Variants in CHST8 observed in about 807,000 individuals in gnomAD.
CHST8 encodes the protein GALNAC-4-ST1.
A neutral mutation model predicts 15.0 loss-of-function variants in CHST8; 10 were observed. The observed-to-expected ratio is 0.67, with a 90% CI of 0.41 to 1.13. The LOEUF (loss-of-function observed/expected upper bound fraction) is 1.13, where lower values mean the gene tolerates loss of function less well. Ranked by LOEUF, CHST8 falls within the 50% of genes most tolerant of loss-of-function variation. The probability of loss-of-function intolerance (pLI) is 0.00; values close to 1 mark genes in which losing one functional copy is unlikely to be tolerated. For missense variants in CHST8, 634 were observed against 608.2 expected (o/e 1.04, Z -0.45); for synonymous variants, 259 against 256.6 (o/e 1.01, Z -0.09).
intron 1 of CHST8, among the ~76,000 whole-genome samples, chr19:33,646,270 C>T (rs1972355184): frequency 6.6e-6 from 1 of 152,092 alleles, no homozygotes; most frequent in Admixed American, 6.5e-5. Flanking sequence ...ATGGGGAATG[C>T]TGGCCGGCTG....
At position 33,772,291 on chromosome 19, in the gene CHST8, G is replaced by T; in HGVS notation, c.503G>T (p.Arg168Leu). ...ATGCAGGAGGCCTGCGCCAAGTACC[G>T]GGCGAGCAGCAGCCGCCGGGCCGTC... ...RVMQEACAKY[R>L]ASSSRRAVTP... Residue 168 changes from arginine to leucine, a missense_variant, in exon 5 of 5, where the codon CGG (arginine) becomes CTG (leucine). Physicochemically the swap from Arg to Leu is moderately radical, Grantham distance 102. Coordinates refer to ENST00000650847, the MANE Select transcript of CHST8 (RefSeq NM_001127895.2). 1 of 1,602,172 alleles carries T rather than the reference G, an allele frequency of 6.2e-7. No homozygotes were observed. Among genetic ancestry groups the T allele is most frequent in the Non-Finnish European group, 8.5e-7 (1 of 1,178,994 alleles).
chr19:33,715,176 C>A (rs74816550), intron 3 of CHST8, among the ~76,000 whole-genome samples: 48 of 152,336 alleles, frequency 3.2e-4, no homozygotes, highest in African/African-American at 1.2e-3. Flanking sequence ...TGCCCTGGTC[C>A]TCCCCTTCCC....
rs552328928 is a variant in CHST8, at chr19:33,728,917, G to A, written c.130+39526G>A. Among the ~76,000 whole-genome samples the A allele has an allele frequency of 6.6e-5, 10 of 152,350 alleles. No homozygotes were observed. The South Asian group carries it at 1.0e-3, about 16-fold the overall frequency. On this transcript the variant is annotated intron_variant, in intron 3 of 4. Coordinates refer to ENST00000650847, the MANE Select transcript of CHST8 (RefSeq NM_001127895.2). The stretch of plus-strand genomic sequence containing the variant: ...GGTGAGCTCCATAGGGTGCTGCTGC[G>A]TTAGTCTGACTTCTGGCCCTGCCCT...
At chr19:33,678,194 G>A (rs1318714078) in intron 2 of CHST8, among the ~76,000 whole-genome samples, 3 of 152,204 alleles carry the variant, frequency 2.0e-5, no homozygotes, top group Non-Finnish European at 4.4e-5. Context: ...TGGAACACAG[G>A]ACGTTAGCTG....
chr19:33,661,616 G>T (rs970240869), intron 1 of CHST8, among the ~76,000 whole-genome samples: 3 of 152,206 alleles, frequency 2.0e-5, no homozygotes, highest in Non-Finnish European at 4.4e-5. Flanking sequence ...ATTCTGCCCT[G>T]CAGGCTGCTC....
intron 3 of CHST8, among the ~76,000 whole-genome samples, chr19:33,767,277 C>T (rs1974869523): frequency 6.6e-6 from 1 of 152,256 alleles, no homozygotes; most frequent in Non-Finnish European, 1.5e-5. Flanking sequence ...TCCATGGCTC[C>T]TGGGCAGTGG....
intron 2 of CHST8, chr19:33,685,330 A>T (rs1972958169): frequency 6.6e-6 from 1 of 151,540 alleles, no homozygotes. Context: ...GTGTCCCAGG[A>T]GGGGTTTATA....
chr19:33,708,187 T>C (rs533205177), intron 3 of CHST8, among the ~76,000 whole-genome samples: 23 of 152,330 alleles, frequency 1.5e-4, no homozygotes, highest in African/African-American at 5.1e-4. Context: ...GTGGCTTGTC[T>C]TTTCATTTTC....
intron 3 of CHST8, among the ~76,000 whole-genome samples, chr19:33,700,157 C>A (rs1206636599): frequency 6.6e-6 from 1 of 152,214 alleles, no homozygotes; most frequent in African/African-American, 2.4e-5. Flanking sequence ...TTTCCCCGGG[C>A]AGGTGGGTTT....
chr19:33,666,372 C>T (rs1026551743), intron 1 of CHST8, among the ~76,000 whole-genome samples: 14 of 152,234 alleles, frequency 9.2e-5, no homozygotes, highest in African/African-American at 3.4e-4. Flanking sequence ...TCTCCTCCTC[C>T]CAGCCTCACG....
chr19:33,769,792 C>A (rs968555611), intron 3 of CHST8, among the ~76,000 whole-genome samples: 2 of 152,082 alleles, frequency 1.3e-5, no homozygotes, highest in African/African-American at 4.8e-5. Context: ...AGGCCTGTTT[C>A]AAAGATCCCC....
intron 1 of CHST8, among the ~76,000 whole-genome samples, chr19:33,636,458 G>A (rs994690290): frequency 6.6e-6 from 1 of 152,178 alleles, no homozygotes; most frequent in African/African-American, 2.4e-5. Context: ...GTATGTGCGT[G>A]AGTGCCTGAG....
intron 2 of CHST8, among the ~76,000 whole-genome samples, chr19:33,672,927 C>T (rs1004179415): frequency 1.3e-5 from 2 of 152,184 alleles, no homozygotes; most frequent in East Asian, 1.9e-4. Context: ...CGTGGGGTGA[C>T]GCTGTGGTTG....
intron 3 of CHST8, among the ~76,000 whole-genome samples, chr19:33,753,801 C>T (rs1304900813): frequency 1.0e-4 from 2 of 19,116 alleles, no homozygotes; most frequent in East Asian, 2.0e-3. Context: ...ACACACCATC[C>T]TCCTACCATC....
chr19:33,740,746 C>A (rs554864023), intron 3 of CHST8, among the ~76,000 whole-genome samples: 1 of 152,232 alleles, frequency 6.6e-6, no homozygotes, highest in African/African-American at 2.4e-5. Context: ...TTCCATCAGC[C>A]CCCAGAACTG....
chr19:33,631,902 G>A (rs1027464482), intron 1 of CHST8, among the ~76,000 whole-genome samples: 1 of 152,154 alleles, frequency 6.6e-6, no homozygotes, highest in African/African-American at 2.4e-5. Context: ...TCCACAAAAC[G>A]GGGTTAACAA....
chr19:33,743,262 T>C (rs1599609265), intron 3 of CHST8, among the ~76,000 whole-genome samples: 1 of 152,266 alleles, frequency 6.6e-6, no homozygotes, highest in East Asian at 1.9e-4. Context: ...TGGGAGCCTT[T>C]TGATCTCTTC....
intron 1 of CHST8, among the ~76,000 whole-genome samples, chr19:33,656,851 G>A (rs1476260312): frequency 1.3e-5 from 2 of 152,046 alleles, no homozygotes; most frequent in African/African-American, 2.4e-5. Context: ...TGTTTTATAG[G>A]TGTGTGAAAC....
intron 1 of CHST8, among the ~76,000 whole-genome samples, chr19:33,636,053 G>A (rs183956806): frequency 6.8e-6 from 1 of 147,202 alleles, no homozygotes; most frequent in Non-Finnish European, 1.5e-5. Flanking sequence ...AGAGGTTTAT[G>A]CTTTTCTGTG....
Sources: gnomAD v4.1 joint callset for allele counts (sites outside exome capture counted in the v4.1 genomes callset) on GRCh38, gnomAD v4.1.1 for gene constraint, MANE v1.5 for transcripts, NCBI Gene and HGNC (gene_info 2026-07-23, HGNC 2026-07-21) for gene names.